Variants in TMEM65 observed in about 807,000 individuals in gnomAD.
The protein encoded by TMEM65 is transmembrane protein 65.
In TMEM65, 22 loss-of-function variants were observed where a neutral mutation model predicts 25.4. The observed-to-expected ratio is 0.86, with a 90% confidence interval of 0.62 to 1.23. TMEM65 has a LOEUF of 1.23. TMEM65 is among the 50% of genes most tolerant of loss of function. TMEM65 has a pLI of 0.00. For missense variants in TMEM65, 262 were observed against 308.2 expected, an observed-to-expected ratio of 0.85 and a Z score of 1.12; for synonymous variants, 132 against 126.2, an observed-to-expected ratio of 1.05 and a Z score of -0.31.
chr8:124,314,441 C>T (rs1814207384), intron 6 of TMEM65, among the ~76,000 whole-genome samples: 1 of 152,154 alleles, frequency 6.6e-6, no homozygotes, highest in East Asian at 1.9e-4. Flanking sequence ...TAAGCATTTC[C>T]ATGTATATTT....
In TMEM65 at chr8:124,358,707, T is replaced by C. The variant is rs538056352; in HGVS notation, c.304+13147A>G. ...AGGGGCTGCCCAACTCTTAAATCATTCTTTGCTCAAATAAACTCTGTTAAA... is the reference window on the plus strand; with the variant it reads ...AGGGGCTGCCCAACTCTTAAATCATCCTTTGCTCAAATAAACTCTGTTAAA... On this transcript the variant is annotated intron_variant, in intron 1 of 6. Transcript: ENST00000297632. 5.8e-4 allele frequency among the ~76,000 whole-genome samples: 88 copies of C among 152,274 alleles called. 1 individual carries two copies. The highest frequency in any genetic ancestry group is 2.0e-3 in the African/African-American group (84 of 41,536).
chr8:124,358,759 T>C (rs1814818323), intron 1 of TMEM65, among the ~76,000 whole-genome samples: 1 of 152,164 alleles, frequency 6.6e-6, no homozygotes, highest in South Asian at 2.1e-4. Flanking sequence ...CCTTAACAGA[T>C]GGTGTCAGAA....
At chr8:124,358,824 G>A (rs1814819722) in intron 1 of TMEM65, among the ~76,000 whole-genome samples, 1 of 152,178 alleles carries the variant, frequency 6.6e-6, no homozygotes, top group South Asian at 2.1e-4. Flanking sequence ...GCCAAGTGAG[G>A]TACCCACAGG....
At chr8:124,327,477 A>G in intron 2 of TMEM65, 56 bp from the exon 3 acceptor site, 1 of 1,140,306 alleles carries the variant, frequency 8.8e-7, no homozygotes, top group Non-Finnish European at 1.3e-6. Flanking sequence ...ACTTAGAATG[A>G]CAAAAACAGA....
At chr8:124,347,591 TAATTA>T (rs1586468012) in intron 1 of TMEM65, among the ~76,000 whole-genome samples, 1 of 152,216 alleles carries the variant, frequency 6.6e-6, no homozygotes, top group Non-Finnish European at 1.5e-5. Context: ...ATTGATTTTT[TAATTA>T]AATAAATAAG....
intron 1 of TMEM65, among the ~76,000 whole-genome samples, chr8:124,365,340 A>T (rs1275818176): frequency 6.6e-6 from 1 of 152,188 alleles, no homozygotes; most frequent in African/African-American, 2.4e-5. Flanking sequence ...CAATTACCCA[A>T]AAGTTTATTT....
chr8:124,327,505 C>A, intron 2 of TMEM65, 84 bp from the exon 3 acceptor site: 1 of 830,404 alleles, frequency 1.2e-6, no homozygotes, highest in Non-Finnish European at 1.8e-6. Context: ...ATCAAAGTAT[C>A]CTAAACAGAC....
chr8:124,361,487 A>G (rs1327794705), intron 1 of TMEM65, among the ~76,000 whole-genome samples: 1 of 151,558 alleles, frequency 6.6e-6, no homozygotes, highest in Non-Finnish European at 1.5e-5. Context: ...ATATATAATT[A>G]AAACTACTAG....
chr8:124,330,661 G>A, intron 2 of TMEM65, 87 bp downstream of exon 2: 2 of 1,270,650 alleles, frequency 1.6e-6, no homozygotes, highest in Non-Finnish European at 2.2e-6. Context: ...TTAATTTACT[G>A]ACTCTTCTGT....
intron 1 of TMEM65, among the ~76,000 whole-genome samples, chr8:124,356,986 G>A (rs1383442738): frequency 6.6e-6 from 1 of 151,960 alleles, no homozygotes; most frequent in African/African-American, 2.4e-5. Context: ...GGGATTACAG[G>A]TGTGAGCCAC....
intron 2 of TMEM65, among the ~76,000 whole-genome samples, chr8:124,328,190 G>A (rs555276338): frequency 6.6e-6 from 1 of 152,024 alleles, no homozygotes; most frequent in African/African-American, 2.4e-5. Flanking sequence ...CGGATCATGA[G>A]GTCAAGAGAT....
At chr8:124,342,352 C>CT in intron 1 of TMEM65, among the ~76,000 whole-genome samples, 1 of 152,060 alleles carries the variant, frequency 6.6e-6, no homozygotes, top group East Asian at 1.9e-4. Flanking sequence ...TCCAAGAACT[C>CT]TAAGGAAGAA....
Position 124,312,326 on chromosome 8 carries a change from T to A in TMEM65, c.*1634A>T, listed in dbSNP as rs995218377. ...GTTATATATTTATTTTTAGATTATATGCTATATTTTTATGCTTTCTCTCCT... is the reference window on the plus strand; with the variant it reads ...GTTATATATTTATTTTTAGATTATAAGCTATATTTTTATGCTTTCTCTCCT... On this transcript the variant is annotated 3_prime_UTR_variant, in exon 7 of 7. Coordinates refer to ENST00000297632, the MANE Select transcript of TMEM65 (RefSeq NM_194291.3). The A allele has an allele frequency of 6.6e-6, 1 of 152,182 alleles. No homozygotes were observed. Among genetic ancestry groups the A allele is most frequent in the Admixed American group, 6.5e-5 (1 of 15,296 alleles). The allele number at this position is 152,182 out of a possible 1,614,324, so 9.4% of individuals were successfully genotyped here. A position where few individuals can be genotyped will look rare whatever the true frequency, so the allele number is the denominator to read the frequency against.
At chr8:124,352,378 T>C (rs1226091959) in intron 1 of TMEM65, among the ~76,000 whole-genome samples, 1 of 151,846 alleles carries the variant, frequency 6.6e-6, no homozygotes. Context: ...TAATATACAT[T>C]TTTTTCTGCC....
At position 124,311,105 on chromosome 8, in the gene TMEM65, C is replaced by T. The variant is rs879579470; in HGVS notation, c.*2855G>A. 6.6e-6 allele frequency: 1 copy of T among 152,134 alleles called. No individual in the cohort carries two copies. Among genetic ancestry groups the T allele is most frequent in the Non-Finnish European group, 1.5e-5 (1 of 68,020 alleles). 9.4% of individuals were successfully genotyped at this position (152,134 alleles called of 1,614,324 possible). The stretch of plus-strand genomic sequence containing the variant: ...AAGAATAAAGTAAATGAGACTATTA[C>T]ATAAACAGCTTGGATATATCTGCTG... On this transcript the variant is annotated 3_prime_UTR_variant, in exon 7 of 7. Coordinates refer to ENST00000297632, the MANE Select transcript of TMEM65 (RefSeq NM_194291.3).
intron 6 of TMEM65, among the ~76,000 whole-genome samples, chr8:124,317,716 T>C (rs1295747610): frequency 6.6e-6 from 1 of 152,160 alleles, no homozygotes; most frequent in Non-Finnish European, 1.5e-5. Context: ...CTTTGAGTAA[T>C]AGGAAAGGTG....
intron 1 of TMEM65, among the ~76,000 whole-genome samples, chr8:124,334,932 C>T (rs1294176392): frequency 6.6e-6 from 1 of 151,606 alleles, no homozygotes; most frequent in Non-Finnish European, 1.5e-5. Flanking sequence ...AATAATAAAC[C>T]TGAGTCTCAG....
At chr8:124,322,312 A>C (rs1320271930) in intron 4 of TMEM65, among the ~76,000 whole-genome samples, 165 bp from the exon 5 acceptor site, 1 of 152,220 alleles carries the variant, frequency 6.6e-6, no homozygotes, top group African/African-American at 2.4e-5. Flanking sequence ...GTTTTGAAAT[A>C]GAACACAATT....
chr8:124,327,494 G>T, intron 2 of TMEM65, 73 bp from the exon 3 acceptor site: 2 of 985,186 alleles, frequency 2.0e-6, no homozygotes, highest in South Asian at 1.6e-5. Flanking sequence ...CAGATGATAT[G>T]ATCAAAGTAT....
Sources: allele counts gnomAD v4.1 joint callset (sites outside exome capture counted in the v4.1 genomes callset), GRCh38; gene constraint gnomAD v4.1.1; transcripts MANE v1.5; gene names NCBI Gene and HGNC (gene_info 2026-07-23, HGNC 2026-07-21).